Variants in CDH23 observed in about 807,000 individuals in gnomAD.
The protein encoded by CDH23 is cadherin related 23.
CDH23 carries 189 observed loss-of-function variants against 317.1 expected under a neutral mutation model. The ratio of observed to expected loss-of-function variants is 0.60; its 90% CI spans 0.53 to 0.67. CDH23 has a LOEUF of 0.67. Ranked by LOEUF, CDH23 falls within the 30% of genes least tolerant of loss-of-function variation. The pLI is 0.00. For missense variants in CDH23, 4,401 were observed against 4,592.4 expected (o/e 0.96, Z 1.20); for synonymous variants, 1,839 against 1,876.8 (o/e 0.98, Z 0.52).
intron 17 of CDH23, among the ~76,000 whole-genome samples, chr10:71,680,810 C>CTTTTTTTTTTTT (rs562449159): frequency 9.9e-6 from 1 of 100,564 alleles, no homozygotes; most frequent in Non-Finnish European, 1.8e-5. Flanking sequence ...CTCTGTCTTT[C>CTTTTTTTTTTTT]TTTTTTTTTT....
chr10:71,792,984 A>C (rs1388153203), intron 47 of CDH23, among the ~76,000 whole-genome samples, 198 bp from the exon 48 acceptor site: 1 of 151,592 alleles, frequency 6.6e-6, no homozygotes, highest in Admixed American at 6.6e-5. Context: ...ATTATAAAAT[A>C]TTGTTTAATC....
intron 3 of CDH23, among the ~76,000 whole-genome samples, chr10:71,476,063 G>A (rs1851779584): frequency 6.6e-6 from 1 of 152,200 alleles, no homozygotes; most frequent in South Asian, 2.1e-4. Context: ...CAGACATTTG[G>A]TGATTGGTTT....
At chr10:71,786,342 C>T (rs1841104245) in intron 44 of CDH23, among the ~76,000 whole-genome samples, 1 of 152,228 alleles carries the variant, frequency 6.6e-6, no homozygotes, top group Non-Finnish European at 1.5e-5. Flanking sequence ...CATCTCAGCT[C>T]TGCCCCTGAC....
At position 71,810,064 on chromosome 10, in the gene CDH23, T is replaced by G; in HGVS notation, c.8967T>G (p.Thr2989=). The G allele has an allele frequency of 6.2e-7, 1 of 1,612,256 alleles. No homozygotes were observed. The highest frequency in any genetic ancestry group is 1.7e-4 in the Middle Eastern group (1 of 6,058). ...ACATCACTGGGGCCATTGTCAATAC[T>G]GACAATGTGCAGGTGCCTCATGGGC... ...LSNITGAIVN[T]DNVQFHVDKK... Residue 2989 remains threonine, a synonymous_variant, in exon 61 of 70, where the codon ACT becomes ACG. Transcript: ENST00000224721.
chr10:71,493,275 C>T (rs1852768146), intron 3 of CDH23, among the ~76,000 whole-genome samples: 1 of 152,150 alleles, frequency 6.6e-6, no homozygotes, highest in Non-Finnish European at 1.5e-5. Flanking sequence ...CCCTTAGAAG[C>T]AGAGAGGCCC....
chr10:71,475,864 A>G (rs1851769550), intron 3 of CDH23, among the ~76,000 whole-genome samples: 1 of 152,158 alleles, frequency 6.6e-6, no homozygotes, highest in Non-Finnish European at 1.5e-5. Flanking sequence ...GAAGAATGTC[A>G]CCCTGCAGGA....
intron 18 of CDH23, among the ~76,000 whole-genome samples, chr10:71,684,093 A>G (rs1391005640): frequency 1.0e-5 from 1 of 99,388 alleles, no homozygotes; most frequent in African/African-American, 3.6e-5. Context: ...AAAAACAAAC[A>G]AACAAACAAA....
At chr10:71,748,353 T>G (rs888663061) in intron 38 of CDH23, 4 of 152,486 alleles carry the variant, frequency 2.6e-5, no homozygotes, top group African/African-American at 9.7e-5. Context: ...CCAGCGCCCA[T>G]CGCCACGGAC....
At chr10:71,421,375 G>A (rs1254174851) in intron 1 of CDH23, among the ~76,000 whole-genome samples, 2 of 152,260 alleles carry the variant, frequency 1.3e-5, no homozygotes, top group African/African-American at 4.8e-5. Context: ...TGTGCCTGGG[G>A]AGTGGGTGGG....
intron 9 of CDH23, among the ~76,000 whole-genome samples, chr10:71,580,992 C>T (rs1264896470): frequency 6.6e-6 from 1 of 152,190 alleles, no homozygotes; most frequent in East Asian, 1.9e-4. Context: ...AGGATTTGGC[C>T]TCATCTCTAC....
At chr10:71,572,535 G>A (rs963043577) in intron 8 of CDH23, among the ~76,000 whole-genome samples, 1 of 152,148 alleles carries the variant, frequency 6.6e-6, no homozygotes, top group African/African-American at 2.4e-5. Context: ...GTAATGGAAT[G>A]GATAAATGAA....
chr10:71,742,208 G>C (rs531802452), intron 38 of CDH23, among the ~76,000 whole-genome samples: 1 of 152,184 alleles, frequency 6.6e-6, no homozygotes, highest in East Asian at 1.9e-4. Context: ...GGTGGTACAG[G>C]TTGAGCCTCT....
chr10:71,459,266 A>AT (rs1303813015), intron 3 of CDH23, among the ~76,000 whole-genome samples: 1 of 151,028 alleles, frequency 6.6e-6, no homozygotes, highest in Non-Finnish European at 1.5e-5. Flanking sequence ...TGTTTTTTAA[A>AT]TTTTTTTTGT....
chr10:71,619,564 C>A (rs539324360), intron 11 of CDH23, among the ~76,000 whole-genome samples: 1 of 152,228 alleles, frequency 6.6e-6, no homozygotes, highest in South Asian at 2.1e-4. Context: ...TGGATACCAG[C>A]GTGGGGTCCA....
At chr10:71,479,633 G>A (rs577659150) in intron 3 of CDH23, among the ~76,000 whole-genome samples, 1 of 152,306 alleles carries the variant, frequency 6.6e-6, no homozygotes, top group South Asian at 2.1e-4. Flanking sequence ...CTCCTGGGAA[G>A]CCTCACATCT....
chr10:71,615,640 A>T (rs1861140941), intron 10 of CDH23, 24 bp downstream of exon 10: 1 of 1,535,064 alleles, frequency 6.5e-7, no homozygotes, highest in Non-Finnish European at 9.0e-7. Flanking sequence ...GGGCACCTTC[A>T]CCCCAGGTAG....
intron 3 of CDH23, among the ~76,000 whole-genome samples, chr10:71,463,352 T>C (rs1479051136): frequency 6.6e-6 from 1 of 152,216 alleles, no homozygotes; most frequent in Non-Finnish European, 1.5e-5. Context: ...TCAAGGCCAG[T>C]AAATCCCAGC....
chr10:71,575,957 T>A (rs751928054), intron 8 of CDH23, among the ~76,000 whole-genome samples: 2 of 152,224 alleles, frequency 1.3e-5, no homozygotes, highest in Non-Finnish European at 2.9e-5. Context: ...CCCCAAACTT[T>A]GCCAGGAGCC....
chr10:71,606,215 A>C (rs1860517094), intron 9 of CDH23, among the ~76,000 whole-genome samples: 8 of 152,238 alleles, frequency 5.3e-5, no homozygotes, highest in Admixed American at 5.2e-4. Flanking sequence ...GCTTGATAAA[A>C]ACTGTTGTGG....
Sources: gnomAD v4.1 joint callset for allele counts (sites outside exome capture counted in the v4.1 genomes callset) on GRCh38, gnomAD v4.1.1 for gene constraint, MANE v1.5 for transcripts, NCBI Gene and HGNC (gene_info 2026-07-23, HGNC 2026-07-21) for gene names.